KCNG3: variants seen among roughly 807,000 people sequenced by gnomAD.
The protein encoded by KCNG3 is potassium voltage-gated channel modifier subfamily G member 3.
In KCNG3, 15 loss-of-function variants were observed where a neutral mutation model predicts 29.0. The observed-to-expected ratio is 0.52, with a 90% confidence interval of 0.35 to 0.80. The LOEUF is 0.80. KCNG3 is among the 30% of genes least tolerant of loss of function. The pLI, the probability that KCNG3 is intolerant of heterozygous loss-of-function variation, is 0.01. For synonymous variants in KCNG3, 322 were observed against 248.9 expected (o/e 1.29, Z -2.76); for missense variants, 512 against 605.7 (o/e 0.85, Z 1.62).
downstream of KCNG3, among the ~76,000 whole-genome samples, chr2:42,437,619 C>T (rs1240938151): frequency 6.6e-6 from 1 of 151,978 alleles, no homozygotes; most frequent in Non-Finnish European, 1.5e-5. Context: ...TGCCAAACAG[C>T]ACTGACATAG....
At chr2:42,479,585 G>A (rs1005596178) in intron 1 of KCNG3, among the ~76,000 whole-genome samples, 5 of 150,894 alleles carry the variant, frequency 3.3e-5, no homozygotes, top group Admixed American at 1.3e-4. Context: ...GGTCGAGGCT[G>A]CAGTGAGCCA....
chr2:42,473,741 G>A (rs79792703), intron 1 of KCNG3, among the ~76,000 whole-genome samples: 2,500 of 152,102 alleles, frequency 0.016, 65 homozygotes, highest in African/African-American at 0.053. Flanking sequence ...ATTTTGATTG[G>A]CATAAGGAAT....
the KCNG3 span, among the ~76,000 whole-genome samples, chr2:42,418,113 ACTAT>A: frequency 2.5e-4 from 38 of 152,254 alleles, no homozygotes; most frequent in East Asian, 1.2e-3. Flanking sequence ...AACCATCACC[ACTAT>A]CTATTTCCAT....
At chr2:42,491,787 T>C (rs748804827) in intron 1 of KCNG3, among the ~76,000 whole-genome samples, 7 of 152,186 alleles carry the variant, frequency 4.6e-5, no homozygotes, top group Non-Finnish European at 7.3e-5. Context: ...TCCACTGCAA[T>C]AGCAAGGCCG....
chr2:42,479,506 C>G (rs1673526300), intron 1 of KCNG3, among the ~76,000 whole-genome samples: 1 of 151,700 alleles, frequency 6.6e-6, no homozygotes. Context: ...ATTAGCTGGG[C>G]ATGGTGGTGC....
intron 1 of KCNG3, among the ~76,000 whole-genome samples, chr2:42,490,217 T>C (rs924088881): frequency 1.4e-4 from 22 of 152,186 alleles, no homozygotes; most frequent in African/African-American, 5.1e-4. Flanking sequence ...AAAAAATCTC[T>C]TTTATTTTGT....
At chr2:42,430,143 GA>G in the KCNG3 span, among the ~76,000 whole-genome samples, 3 of 152,232 alleles carry the variant, frequency 2.0e-5, no homozygotes, top group East Asian at 1.9e-4. Flanking sequence ...AAGGCAGGCA[GA>G]TCACTTGAGC....
chr2:42,477,376 CACACATATATAT>C (rs1453395981), intron 1 of KCNG3, among the ~76,000 whole-genome samples: 4 of 49,978 alleles, frequency 8.0e-5, no homozygotes, highest in Non-Finnish European at 1.1e-4. Flanking sequence ...TATATATACA[CACACATATATAT>C]ACACACACAC....
rs1410043951 is a variant in KCNG3, at chr2:42,444,012, G to C, written c.1233C>G (p.Ser411Arg). 1 of 1,614,150 alleles carries C rather than the reference G, an allele frequency of 6.2e-7. No homozygotes were observed. The highest frequency in any genetic ancestry group is 8.5e-7 in the Non-Finnish European group (1 of 1,179,994). The change falls in exon 2 of 2, where the codon AGC (serine) becomes AGG (arginine). Residue 411 changes from serine (S) to arginine (R), a missense_variant. Transcript: ENST00000306078. This position sits in a 1 kb window ranked among gnomAD's most constrained non-coding sequence, Gnocchi z 5.8. The part of the protein sequence containing the change: ...LALPITFIYH[S>R]FVQCYHELKF... The stretch of plus-strand genomic sequence containing the variant: ...TGAGCTCATGATAACACTGCACAAA[G>C]CTATGGTAGATAAAAGTGATAGGTA...
chr2:42,432,938 A>T, the KCNG3 span, among the ~76,000 whole-genome samples: 1,585 of 100,630 alleles, frequency 0.016, 31 homozygotes, highest in African/African-American at 0.07. Flanking sequence ...TTATGATAAA[A>T]AAAAAAAAAA....
the KCNG3 span, among the ~76,000 whole-genome samples, chr2:42,403,607 C>G: frequency 2.0e-5 from 3 of 147,034 alleles, no homozygotes; most frequent in African/African-American, 7.6e-5. Context: ...AGTCTCTCTA[C>G]GTGACTTTTT....
At chr2:42,388,760 T>C in the KCNG3 span, 1 of 152,154 alleles carries the variant, frequency 6.6e-6, no homozygotes, top group Non-Finnish European at 1.5e-5. Context: ...ACATATGAAT[T>C]TGGAGGTAGG....
the KCNG3 span, among the ~76,000 whole-genome samples, chr2:42,408,286 C>T: frequency 6.6e-6 from 1 of 152,314 alleles, no homozygotes; most frequent in Non-Finnish European, 1.5e-5. Context: ...CACATAGGGC[C>T]TGAAGGCTAG....
chr2:42,389,807 C>G, the KCNG3 span, among the ~76,000 whole-genome samples: 1 of 152,248 alleles, frequency 6.6e-6, no homozygotes, highest in Non-Finnish European at 1.5e-5. Context: ...GGACACCACA[C>G]CATATTTTGT....
At chr2:42,408,420 G>A in the KCNG3 span, among the ~76,000 whole-genome samples, 3 of 152,282 alleles carry the variant, frequency 2.0e-5, no homozygotes, top group Non-Finnish European at 4.4e-5. Flanking sequence ...TAAAAGCCCA[G>A]GTTCAGCTAG....
intron 1 of KCNG3, among the ~76,000 whole-genome samples, chr2:42,462,592 G>A (rs1382298175): frequency 6.6e-6 from 1 of 152,144 alleles, no homozygotes; most frequent in Non-Finnish European, 1.5e-5. Flanking sequence ...TGAGGCACGA[G>A]AATCACTTGA....
chr2:42,397,912 G>A, the KCNG3 span, among the ~76,000 whole-genome samples: 1 of 152,088 alleles, frequency 6.6e-6, no homozygotes, highest in Non-Finnish European at 1.5e-5. Flanking sequence ...ACTCTAACAG[G>A]CAGACATTGT....
In KCNG3 at chr2:42,492,762, G is replaced by C. The variant is rs1291299433; in HGVS notation, c.665+75C>G. On this transcript the variant is annotated intron_variant, in intron 1 of 1. Transcript: ENST00000306078. ...TCGGTCGCCCGGAGGCGGACAGGACGGAGACGGGACGTATGGACGGGACGG... is the reference window on the plus strand; with the variant it reads ...TCGGTCGCCCGGAGGCGGACAGGACCGAGACGGGACGTATGGACGGGACGG... 6.9e-6 allele frequency: 9 copies of C among 1,311,224 alleles called. No individual in the cohort carries two copies. In the Admixed American group the frequency reaches 3.0e-4, roughly 44 times the overall value. 81.2% of individuals were successfully genotyped at this position (1,311,224 alleles called of 1,614,324 possible).
chr2:42,465,280 G>A (rs1352587591), intron 1 of KCNG3, among the ~76,000 whole-genome samples: 5 of 150,996 alleles, frequency 3.3e-5, no homozygotes, highest in South Asian at 4.2e-4. Flanking sequence ...GCAGTGGCAC[G>A]ATCATGGCTC....
Sources: allele counts gnomAD v4.1 joint callset (sites outside exome capture counted in the v4.1 genomes callset), GRCh38; gene constraint gnomAD v4.1.1; non-coding constraint Gnocchi (gnomAD v3.1); transcripts MANE v1.5; gene names NCBI Gene and HGNC (gene_info 2026-07-23, HGNC 2026-07-21).